POLR3B: variants seen among roughly 807,000 people sequenced by gnomAD.
The protein encoded by POLR3B is DNA-directed RNA polymerase III subunit RPC2.
Under a neutral mutation model 147.4 loss-of-function variants are expected in POLR3B, and 96 were observed. The ratio of observed to expected loss-of-function variants is 0.65; its 90% CI spans 0.55 to 0.77. The LOEUF (loss-of-function observed/expected upper bound fraction) is 0.77. Ranked by LOEUF, POLR3B falls within the 30% of genes least tolerant of loss-of-function variation. POLR3B has a pLI of 0.00. For missense variants in POLR3B, 1,036 were observed against 1,413.5 expected (o/e 0.73, Z 4.28); for synonymous variants, 461 against 485.9 (o/e 0.95, Z 0.67).
Position 106,358,555 on chromosome 12 carries a change from G to C in POLR3B, c.72+604G>C, listed in dbSNP as rs553851094. ...CACAGCGAGCTGCCCAGTGAAGTGC[G>C]GCTGTCGACATATTTTGTTATCTGA... On this transcript the variant is annotated intron_variant, in intron 1 of 27. Coordinates refer to ENST00000228347, the MANE Select transcript of POLR3B (RefSeq NM_018082.6). Among the ~76,000 whole-genome samples, 22 of 152,252 alleles carry C rather than the reference G, an allele frequency of 1.4e-4. No individual in the cohort carries two copies. In the South Asian group the frequency reaches 4.1e-3, roughly 29 times the overall value.
intron 21 of POLR3B, among the ~76,000 whole-genome samples, chr12:106,458,618 C>T (rs897306305): frequency 6.6e-6 from 1 of 152,066 alleles, no homozygotes; most frequent in African/African-American, 2.4e-5. Context: ...GGCCTGTGGG[C>T]GGTGAATGCT....
chr12:106,420,687 C>G (rs1314823908), intron 12 of POLR3B, among the ~76,000 whole-genome samples: 1 of 152,210 alleles, frequency 6.6e-6, no homozygotes, highest in African/African-American at 2.4e-5. Context: ...ACTTACTGTT[C>G]TATCCCGTTG....
intron 19 of POLR3B, among the ~76,000 whole-genome samples, chr12:106,447,300 A>G (rs1023957811): frequency 3.9e-5 from 6 of 152,162 alleles, no homozygotes; most frequent in Admixed American, 3.9e-4. Flanking sequence ...GTCATTTTCT[A>G]TCACTACGAA....
chr12:106,467,841 T>C (rs2038027538), intron 23 of POLR3B, among the ~76,000 whole-genome samples: 1 of 152,226 alleles, frequency 6.6e-6, no homozygotes, highest in East Asian at 1.9e-4. Flanking sequence ...GACGTGCTGC[T>C]GGATTTGGTT....
chr12:106,411,638 C>T (rs532446169), intron 12 of POLR3B, among the ~76,000 whole-genome samples: 6 of 152,068 alleles, frequency 3.9e-5, no homozygotes, highest in African/African-American at 1.2e-4. Flanking sequence ...ACAAAAGCCC[C>T]TTTTCTCTTA....
intron 25 of POLR3B, among the ~76,000 whole-genome samples, 171 bp from the exon 26 acceptor site, chr12:106,501,152 A>G (rs2038593994): frequency 6.6e-6 from 1 of 152,210 alleles, no homozygotes; most frequent in African/African-American, 2.4e-5. Flanking sequence ...AAATATAGCT[A>G]TGGTACTTTT....
rs868434337 is a variant in POLR3B at position 106,495,970 on chromosome 12, T to G, written c.2714-85T>G. 1.0e-4 allele frequency: 85 copies of G among 824,758 alleles called. No homozygotes were observed. In the Middle Eastern group the frequency reaches 4.0e-3, roughly 39 times the overall value. 51.1% of individuals were successfully genotyped at this position (824,758 alleles called of 1,614,324 possible). ...GATTTTAGAGCAGTGGAAATAGAGA[T>G]AGCAGCGGGGAGATCCCAATTAAGT... On this transcript the variant is annotated intron_variant, in intron 23 of 27. Transcript: ENST00000228347.
chr12:106,401,840 C>A (rs1278997868), intron 10 of POLR3B, among the ~76,000 whole-genome samples: 1 of 152,058 alleles, frequency 6.6e-6, no homozygotes, highest in Non-Finnish European at 1.5e-5. Context: ...CTATGACAAA[C>A]CCACAGCCAA....
chr12:106,464,423 A>T (rs541630554), intron 23 of POLR3B, among the ~76,000 whole-genome samples: 1 of 152,154 alleles, frequency 6.6e-6, no homozygotes, highest in Non-Finnish European at 1.5e-5. Context: ...AGGTGGCATC[A>T]TTATCCATAT....
chr12:106,391,805 A>G (rs954987696), intron 9 of POLR3B, among the ~76,000 whole-genome samples: 2 of 152,222 alleles, frequency 1.3e-5, no homozygotes, highest in South Asian at 2.1e-4. Context: ...GATTTTCTGC[A>G]TTGGAACTTG....
chr12:106,434,544 A>G (rs779375878), intron 16 of POLR3B, among the ~76,000 whole-genome samples: 1 of 151,628 alleles, frequency 6.6e-6, no homozygotes, highest in African/African-American at 2.4e-5. Context: ...TTAAGGGCCT[A>G]TTGTGCACAG....
chr12:106,509,085 G>C (rs969193915), intron 27 of POLR3B, among the ~76,000 whole-genome samples: 2 of 152,100 alleles, frequency 1.3e-5, no homozygotes, highest in Non-Finnish European at 2.9e-5. Flanking sequence ...TTTCCCAATG[G>C]TTCAGATTTC....
At chr12:106,444,733 T>A in intron 19 of POLR3B, 143 bp downstream of exon 19, 2 of 844,896 alleles carry the variant, frequency 2.4e-6, no homozygotes, top group Admixed American at 4.0e-5. Context: ...GCCCAGGGAG[T>A]TGCCTATGGA....
intron 23 of POLR3B, among the ~76,000 whole-genome samples, chr12:106,468,072 C>T (rs1293050827): frequency 1.3e-5 from 2 of 152,098 alleles, no homozygotes; most frequent in Admixed American, 6.5e-5. Context: ...GCTGTGAATC[C>T]GTCTGGTCCT....
chr12:106,392,879 C>T, intron 9 of POLR3B, 152 bp from the exon 10 acceptor site: 1 of 866,980 alleles, frequency 1.2e-6, no homozygotes, highest in African/African-American at 1.7e-5. Context: ...GCAGCTTGGG[C>T]AAGGCTGCCA....
At chr12:106,411,812 A>G (rs142753386) in intron 12 of POLR3B, among the ~76,000 whole-genome samples, 572 of 152,334 alleles carry the variant, frequency 3.8e-3, no homozygotes, top group Non-Finnish European at 6.3e-3. Flanking sequence ...ATCTCTTTCA[A>G]CTGGCTAGCA....
chr12:106,443,834 CT>C (rs201018510), intron 18 of POLR3B, among the ~76,000 whole-genome samples: 1 of 134,734 alleles, frequency 7.4e-6, no homozygotes, highest in Non-Finnish European at 1.6e-5. Context: ...AGTACCTATT[CT>C]TTTTTTTTGA....
At chr12:106,359,925 G>A (rs1033139461) in intron 1 of POLR3B, among the ~76,000 whole-genome samples, 3 of 152,136 alleles carry the variant, frequency 2.0e-5, no homozygotes, top group Non-Finnish European at 2.9e-5. Flanking sequence ...AAATAAGCCT[G>A]GGAGATTTCT....
intron 16 of POLR3B, among the ~76,000 whole-genome samples, chr12:106,436,231 G>C (rs1329610741): frequency 6.6e-6 from 1 of 152,210 alleles, no homozygotes. Flanking sequence ...CAAGTGTCTG[G>C]TGGTTACTTG....
Sources: gnomAD v4.1 joint callset for allele counts (sites outside exome capture counted in the v4.1 genomes callset) on GRCh38, gnomAD v4.1.1 for gene constraint, MANE v1.5 for transcripts, NCBI Gene and HGNC (gene_info 2026-07-23, HGNC 2026-07-21) for gene names.